STAT5B: variants seen among roughly 807,000 people sequenced by gnomAD.
STAT5B encodes the protein transcription factor STAT5B.
STAT5B carries 21 observed loss-of-function variants against 107.8 expected under a neutral mutation model. The ratio of observed to expected loss-of-function variants is 0.19; its 90% CI spans 0.14 to 0.28. The LOEUF (loss-of-function observed/expected upper bound fraction) is 0.28, where lower values mean the gene tolerates loss of function less well. STAT5B is among the 10% of genes least tolerant of loss of function. STAT5B has a pLI of 1.00. For synonymous variants in STAT5B, 325 were observed against 401.7 expected (o/e 0.81, Z 2.28); for missense variants, 565 against 1,008.2 (o/e 0.56, Z 5.95).
At chr17:42,250,817 G>A (rs1173608685) in intron 1 of STAT5B, among the ~76,000 whole-genome samples, 1 of 151,664 alleles carries the variant, frequency 6.6e-6, no homozygotes, top group African/African-American at 2.4e-5. Flanking sequence ...CCAGCTACTC[G>A]GGAGGCTGAG....
At chr17:42,280,503 C>T (rs1362270841), upstream of STAT5B, among the ~76,000 whole-genome samples, 3 of 152,156 alleles carry the variant, frequency 2.0e-5, no homozygotes, top group African/African-American at 7.2e-5. Flanking sequence ...ATTATGGCTT[C>T]CCTCCTGCAT....
Position 42,219,267 on chromosome 17 carries a change from C to T in STAT5B, c.833+45G>A, listed in dbSNP as rs566036765. 204 of 1,592,642 alleles carry T rather than the reference C, an allele frequency of 1.3e-4. 1 individual carries two copies. The South Asian group carries it at 2.2e-3, about 18-fold the overall frequency. On this transcript the variant is annotated intron_variant, in intron 7 of 18. Coordinates refer to ENST00000293328, the MANE Select transcript of STAT5B (RefSeq NM_012448.4). ...AGGACGCAGAAGCAGCCGGGATCCC[C>T]ACCAGCCCCTCCTGCCCTGCCCGCT...
the STAT5B span, among the ~76,000 whole-genome samples, chr17:42,286,295 G>A: frequency 7.5e-4 from 113 of 151,094 alleles, no homozygotes; most frequent in South Asian, 3.8e-3. Context: ...ACAGATATTC[G>A]GGGCCTTACA....
intron 17 of STAT5B, 27 bp from the exon 18 acceptor site, chr17:42,202,474 A>G (rs2080053303): frequency 6.2e-7 from 1 of 1,612,224 alleles, no homozygotes; most frequent in African/African-American, 1.3e-5. Flanking sequence ...ACAGAGCTTC[A>G]GCTGCCAGGG....
rs139332839 is a variant in STAT5B, at chr17:42,200,915, G to C, written c.*823C>G. 4.9e-4 allele frequency: 193 copies of C among 396,614 alleles called. 1 individual carries two copies. Among genetic ancestry groups the C allele is most frequent in the African/African-American group, 3.8e-3 (183 of 48,706 alleles). 24.6% of individuals were successfully genotyped at this position (396,614 alleles called of 1,614,324 possible). Reference sequence around the variant, plus strand: ...GAGTCAGGGCTGCGCACTCCACTCTGGCCAGAACACAAACGGCATTGGCAC... The same window carrying C: ...GAGTCAGGGCTGCGCACTCCACTCTCGCCAGAACACAAACGGCATTGGCAC... On this transcript the variant is annotated 3_prime_UTR_variant, in exon 19 of 19. Coordinates refer to ENST00000293328, the MANE Select transcript of STAT5B (RefSeq NM_012448.4).
intron 1 of STAT5B, chr17:42,271,589 T>A (rs2080722645): frequency 6.7e-6 from 1 of 150,374 alleles, no homozygotes; most frequent in Non-Finnish European, 1.5e-5. Context: ...TTTTAAAAGG[T>A]TATTCAGGGT....
chr17:42,235,857 G>A (rs1291610965), intron 1 of STAT5B, among the ~76,000 whole-genome samples: 5 of 152,090 alleles, frequency 3.3e-5, no homozygotes, highest in Non-Finnish European at 7.3e-5. Flanking sequence ...AAATACTTGC[G>A]GAGCGAATAA....
intron 1 of STAT5B, among the ~76,000 whole-genome samples, chr17:42,267,883 G>A (rs1567679276): frequency 2.0e-5 from 3 of 151,306 alleles, no homozygotes; most frequent in South Asian, 2.1e-4. Context: ...TGCTTGAACC[G>A]GGAGGTAGAG....
intron 1 of STAT5B, among the ~76,000 whole-genome samples, chr17:42,236,046 A>C (rs1427728264): frequency 6.6e-6 from 1 of 152,214 alleles, no homozygotes; most frequent in East Asian, 1.9e-4. Flanking sequence ...TAGAATGCTG[A>C]GCTCTTAGAA....
intron 1 of STAT5B, among the ~76,000 whole-genome samples, chr17:42,262,930 A>G (rs1218850867): frequency 2.2e-5 from 2 of 89,256 alleles, no homozygotes; most frequent in African/African-American, 4.0e-5. Flanking sequence ...GTGTATATAT[A>G]TATGTATATA....
At chr17:42,231,405 G>C (rs930196132) in intron 2 of STAT5B, among the ~76,000 whole-genome samples, 2 of 152,000 alleles carry the variant, frequency 1.3e-5, no homozygotes, top group African/African-American at 4.8e-5. Context: ...GTAGTGGTGT[G>C]ATCATGGGTT....
chr17:42,204,091 C>T (rs558835651), intron 16 of STAT5B, among the ~76,000 whole-genome samples: 2 of 152,312 alleles, frequency 1.3e-5, no homozygotes, highest in East Asian at 1.9e-4. Context: ...AGCACCTGCA[C>T]GCTCCTTCAC....
Position 42,201,555 on chromosome 17 carries a change from A to AACAC in STAT5B, c.*179_*182dup. ...ACACACACACACACACACACACACA[A>AACAC]ACACATACTCGCACTCCCTTCGCTG... is the stretch of plus-strand genomic sequence containing the variant. On this transcript the variant is annotated 3_prime_UTR_variant, in exon 19 of 19. Coordinates refer to ENST00000293328, the MANE Select transcript of STAT5B (RefSeq NM_012448.4). 1 of 658,384 alleles carries AACAC rather than the reference A, an allele frequency of 1.5e-6. No individual in the cohort carries two copies. The highest frequency in any genetic ancestry group is 2.8e-6 in the Non-Finnish European group (1 of 362,240). The allele number at this position is 658,384 out of a possible 1,614,324, so 40.8% of individuals were successfully genotyped here.
Position 42,201,065 on chromosome 17 carries a change from G to C in STAT5B, c.*673C>G. The C allele has an allele frequency of 2.5e-6, 1 of 402,584 alleles. No individual in the cohort carries two copies. The highest frequency in any genetic ancestry group is 1.2e-4 in the South Asian group (1 of 8,190). 24.9% of individuals were successfully genotyped at this position (402,584 alleles called of 1,614,324 possible). On this transcript the variant is annotated 3_prime_UTR_variant, in exon 19 of 19. Transcript: ENST00000293328. The stretch of plus-strand genomic sequence containing the variant: ...GGCAGGAGGGGAGAGAGGACAAAGA[G>C]AGAATAAGATGAGCTAAATGTTTTG...
At position 42,223,446 on chromosome 17, in the gene STAT5B, T is replaced by C. The variant is rs759250756; in HGVS notation, c.486A>G (p.Leu162=). ...RLVTQDTENE[L]KKLQQTQEYF... ...ACTCCTGAGTCTGCTGCAGCTTTTTTAACTCATTCTCTGTGTCCTGCGTGA... is the reference window on the plus strand; with the variant it reads ...ACTCCTGAGTCTGCTGCAGCTTTTTCAACTCATTCTCTGTGTCCTGCGTGA... The change falls in exon 5 of 19, where the codon TTA becomes TTG. Residue 162 remains leucine, a synonymous_variant. Coordinates refer to ENST00000293328, the MANE Select transcript of STAT5B (RefSeq NM_012448.4). The C allele has an allele frequency of 6.2e-7, 1 of 1,614,216 alleles. No homozygotes were observed. The highest frequency in any genetic ancestry group is 8.5e-7 in the Non-Finnish European group (1 of 1,180,036).
chr17:42,227,134 C>CAAAAATAAATAA (rs1389007539), intron 3 of STAT5B, among the ~76,000 whole-genome samples: 2 of 4,714 alleles, frequency 4.2e-4, no homozygotes, highest in Non-Finnish European at 1.1e-3. Context: ...GACTCCGTCT[C>CAAAAATAAATAA]AAAAATAAAT....
At chr17:42,202,556 G>A (rs2080054050) in intron 17 of STAT5B, 109 bp from the exon 18 acceptor site, 4 of 1,469,974 alleles carry the variant, frequency 2.7e-6, no homozygotes, top group South Asian at 1.2e-5. Flanking sequence ...GAAGGACAAA[G>A]TGCCCCACTC....
At chr17:42,215,171 G>C (rs1018081226) in intron 12 of STAT5B, among the ~76,000 whole-genome samples, 1 of 152,140 alleles carries the variant, frequency 6.6e-6, no homozygotes, top group Non-Finnish European at 1.5e-5. Flanking sequence ...GACCTAGAAT[G>C]AATCACAGAA....
chr17:42,268,715 G>C (rs765406030), intron 1 of STAT5B: 7 of 151,816 alleles, frequency 4.6e-5, no homozygotes, highest in Non-Finnish European at 7.4e-5. Context: ...AAATTCACAG[G>C]GTGAACTGTT....
Sources: gnomAD v4.1 joint callset for allele counts (sites outside exome capture counted in the v4.1 genomes callset) on GRCh38, gnomAD v4.1.1 for gene constraint, MANE v1.5 for transcripts, NCBI Gene and HGNC (gene_info 2026-07-23, HGNC 2026-07-21) for gene names.